The following CHKA variants were observed in gnomAD, a reference collection of about 807,000 sequenced individuals.
The protein encoded by CHKA is choline kinase alpha.
A neutral mutation model predicts 60.1 loss-of-function variants in CHKA; 34 were observed. The observed-to-expected ratio is 0.57, with a 90% CI of 0.43 to 0.75. The LOEUF (loss-of-function observed/expected upper bound fraction) is 0.75, where lower values mean the gene tolerates loss of function less well. CHKA is among the 30% of genes least tolerant of loss of function. The probability of loss-of-function intolerance (pLI) is 0.00; values close to 1 mark genes in which losing one functional copy is unlikely to be tolerated. For missense variants in CHKA, 563 were observed against 561.3 expected (o/e 1.00, Z -0.03); for synonymous variants, 217 against 223.1 (o/e 0.97, Z 0.24).
At chr11:68,112,414 C>T (rs986018775) in intron 1 of CHKA, among the ~76,000 whole-genome samples, 2 of 152,120 alleles carry the variant, frequency 1.3e-5, no homozygotes, top group South Asian at 2.1e-4. Flanking sequence ...CCCACGACTA[C>T]ACCAGACTAA....
intron 1 of CHKA, among the ~76,000 whole-genome samples, chr11:68,106,605 T>G (rs75592015): frequency 1.3e-5 from 2 of 150,872 alleles, no homozygotes; most frequent in South Asian, 4.2e-4. Flanking sequence ...CTGCACAAAA[T>G]AGCTGTGCAG....
At chr11:68,083,056 G>A (rs761072470) in intron 2 of CHKA, among the ~76,000 whole-genome samples, 1 of 152,170 alleles carries the variant, frequency 6.6e-6, no homozygotes, top group Non-Finnish European at 1.5e-5. Flanking sequence ...CTGCTTTGCG[G>A]GTCGCCTCTT....
chr11:68,054,148 G>A (rs561217210), intron 11 of CHKA, 101 bp from the exon 12 acceptor site: 154 of 975,384 alleles, frequency 1.6e-4, no homozygotes, highest in East Asian at 9.9e-4. Flanking sequence ...CTGAGGGCAC[G>A]GACCCATGAG....
At chr11:68,065,238 A>AG (rs894035296) in intron 9 of CHKA, among the ~76,000 whole-genome samples, 9 of 152,258 alleles carry the variant, frequency 5.9e-5, no homozygotes, top group African/African-American at 2.2e-4. Context: ...TTTCAAAAAA[A>AG]TACTACAAGG....
At position 68,121,232 on chromosome 11, in the gene CHKA, C is replaced by CAA. The variant is rs1309173331; in HGVS notation, c.-56_-55insTT. 9.2e-7 allele frequency: 1 copy of CAA among 1,086,004 alleles called. No homozygotes were observed. Among genetic ancestry groups the CAA allele is most frequent in the African/African-American group, 1.7e-5 (1 of 58,856 alleles). 67.3% of individuals were successfully genotyped at this position (1,086,004 alleles called of 1,614,324 possible). ...GGCCGCAGCGCGAGAGGACTAGGCT[C>CAA]AGAGTCCGGCCGGGCGCCCCCTCGC... On this transcript the variant is annotated 5_prime_UTR_variant, in exon 1 of 12. Transcript: ENST00000265689.
chr11:68,118,606 G>A (rs1184576083), intron 1 of CHKA, among the ~76,000 whole-genome samples: 2 of 152,134 alleles, frequency 1.3e-5, no homozygotes, highest in Non-Finnish European at 2.9e-5. Flanking sequence ...TTAAAAGCTA[G>A]ACATCACCCA....
intron 3 of CHKA, among the ~76,000 whole-genome samples, chr11:68,076,339 A>G (rs775165110): frequency 1.3e-5 from 2 of 152,166 alleles, no homozygotes; most frequent in African/African-American, 4.8e-5. Context: ...GAAAACAAAG[A>G]TCTAGTATCT....
intron 4 of CHKA, among the ~76,000 whole-genome samples, chr11:68,073,490 C>T (rs1432823955): frequency 1.3e-5 from 2 of 152,170 alleles, no homozygotes; most frequent in Admixed American, 6.5e-5. Flanking sequence ...CCTGTCTCTA[C>T]TAAAACATAG....
chr11:68,121,150 C>G lies in CHKA; in HGVS notation c.28G>C (p.Glu10Gln). MKTKFCTGGEAEPSPLGLLL... is the reference protein window; with the variant it reads MKTKFCTGGQAEPSPLGLLL... ...AGCCCGAGCGGCGAGGGCTCCGCCT[C>G]GCCCCCGGTGCAGAATTTGGTTTTC... The change falls in exon 1 of 12, where the codon GAG becomes CAG. Residue 10 changes from glutamate (E) to glutamine (Q), a missense_variant. Coordinates refer to ENST00000265689, the MANE Select transcript of CHKA (RefSeq NM_001277.3). 3.3e-6 allele frequency: 4 copies of G among 1,209,856 alleles called. No homozygotes were observed. Among genetic ancestry groups the G allele is most frequent in the Non-Finnish European group, 4.1e-6 (4 of 965,760 alleles). The allele number at this position is 1,209,856 out of a possible 1,614,324, so 74.9% of individuals were successfully genotyped here.
intron 2 of CHKA, among the ~76,000 whole-genome samples, chr11:68,093,865 C>T (rs1265254018): frequency 6.6e-6 from 1 of 152,142 alleles, no homozygotes; most frequent in African/African-American, 2.4e-5. Flanking sequence ...AAATTAAAAA[C>T]AATTTAAAAC....
At chr11:68,104,432 A>T (rs73507246) in intron 1 of CHKA, among the ~76,000 whole-genome samples, 9,100 of 151,784 alleles carry the variant, frequency 0.06, 905 homozygotes, top group African/African-American at 0.21. Context: ...TATTATTATT[A>T]TTTTTTGAGA....
At position 68,064,557 on chromosome 11, in the gene CHKA, A is replaced by G; in HGVS notation, c.1200T>C (p.Ile400=). The G allele has an allele frequency of 1.3e-6, 2 of 1,578,356 alleles. No individual in the cohort carries two copies. The highest frequency in any genetic ancestry group is 1.2e-5 in the South Asian group (1 of 83,226). Residue 400 remains isoleucine (I), a synonymous_variant, in exon 10 of 12, where the codon ATT becomes ATC. Coordinates refer to ENST00000265689, the MANE Select transcript of CHKA (RefSeq NM_001277.3). Reference sequence around the variant, plus strand: ...CTTCAAGCAACATTTCTTCTTTTATAATGGATTTTTCTTCAGTACTGAGGT... The same window carrying G: ...CTTCAAGCAACATTTCTTCTTTTATGATGGATTTTTCTTCAGTACTGAGGT... ...FENLSTEEKS[I]IKEEMLLEVN...
At chr11:68,062,821 T>C (rs570941798) in intron 10 of CHKA, among the ~76,000 whole-genome samples, 1 of 152,180 alleles carries the variant, frequency 6.6e-6, no homozygotes, top group Non-Finnish European at 1.5e-5. Flanking sequence ...TGATGTATGC[T>C]GCGGTGAAGC....
rs1855847260 is a variant in CHKA at position 68,052,932 on chromosome 11, A to G, written c.*1056T>C. The G allele has an allele frequency of 2.0e-5, 3 of 152,530 alleles. No individual in the cohort carries two copies. The highest frequency in any genetic ancestry group is 2.9e-5 in the Non-Finnish European group (2 of 68,040). 9.4% of individuals were successfully genotyped at this position (152,530 alleles called of 1,614,324 possible). On this transcript the variant is annotated 3_prime_UTR_variant, in exon 12 of 12. Coordinates refer to ENST00000265689, the MANE Select transcript of CHKA (RefSeq NM_001277.3). ...AAATATATGCACAAAAAACAATTCA[A>G]ATAAGAGTTCAGAGTAAAAAAAAGT...
intron 11 of CHKA, among the ~76,000 whole-genome samples, chr11:68,054,450 G>T (rs951471533): frequency 2.0e-5 from 3 of 152,186 alleles, no homozygotes; most frequent in African/African-American, 7.2e-5. Flanking sequence ...GTCTAGAACA[G>T]AAGGGGAGAA....
rs1236119237 is a variant in CHKA, at chr11:68,121,146, G to C, written c.32C>G (p.Ala11Gly). The part of the protein sequence containing the change: MKTKFCTGGE[A>G]EPSPLGLLLS... ...CAGCAGCCCGAGCGGCGAGGGCTCC[G>C]CCTCGCCCCCGGTGCAGAATTTGGT... Residue 11 changes from alanine (A) to glycine (G), a missense_variant, in exon 1 of 12, where the codon GCG becomes GGG. By Grantham distance (60) the Ala-to-Gly change is moderately conservative. Coordinates refer to ENST00000265689, the MANE Select transcript of CHKA (RefSeq NM_001277.3). The C allele has an allele frequency of 1.7e-6, 2 of 1,209,078 alleles. No individual in the cohort carries two copies. The highest frequency in any genetic ancestry group is 2.1e-6 in the Non-Finnish European group (2 of 965,732). 74.9% of individuals were successfully genotyped at this position (1,209,078 alleles called of 1,614,324 possible).
intron 1 of CHKA, among the ~76,000 whole-genome samples, chr11:68,109,158 C>T (rs1279312466): frequency 9.6e-5 from 14 of 145,584 alleles, no homozygotes; most frequent in African/African-American, 2.6e-4. Flanking sequence ...GGCGCGATCT[C>T]GGCTCACAGC....
chr11:68,110,490 A>G (rs921078147), intron 1 of CHKA, among the ~76,000 whole-genome samples: 12 of 152,162 alleles, frequency 7.9e-5, no homozygotes, highest in Admixed American at 3.9e-4. Flanking sequence ...AAAGCACATT[A>G]CCATTTATAT....
At chr11:68,061,634 G>A (rs1223202990) in intron 11 of CHKA, 1 of 453,846 alleles carries the variant, frequency 2.2e-6, no homozygotes, top group Non-Finnish European at 4.4e-6. Context: ...GTCAGAGCTG[G>A]ACTTCGAGGG....
Sources: allele counts gnomAD v4.1 joint callset (sites outside exome capture counted in the v4.1 genomes callset), GRCh38; gene constraint gnomAD v4.1.1; transcripts MANE v1.5; gene names NCBI Gene and HGNC (gene_info 2026-07-23, HGNC 2026-07-21).